Variants in SNX29 observed in about 807,000 individuals in gnomAD.
SNX29 encodes the protein sorting nexin 29.
SNX29 carries 78 observed loss-of-function variants against 102.1 expected under a neutral mutation model. That is an observed-to-expected ratio of 0.76 (90% CI 0.64 to 0.92). The LOEUF (loss-of-function observed/expected upper bound fraction) is 0.92. Among genes scored for constraint, SNX29 ranks in the 40% least tolerant of loss-of-function variants. SNX29 has a pLI of 0.00. For missense variants in SNX29, 1,280 were observed against 1,061.7 expected (o/e 1.21, Z -2.86); for synonymous variants, 580 against 414.5 (o/e 1.40, Z -4.85).
At chr16:12,425,237 G>A (rs1021163153) in intron 18 of SNX29, among the ~76,000 whole-genome samples, 1 of 152,158 alleles carries the variant, frequency 6.6e-6, no homozygotes, top group African/African-American at 2.4e-5. Context: ...GAAAGTGAGG[G>A]GTCAGGAGAG....
At chr16:11,998,614 C>T (rs1394639523) in intron 1 of SNX29, among the ~76,000 whole-genome samples, 1 of 152,168 alleles carries the variant, frequency 6.6e-6, no homozygotes, top group Non-Finnish European at 1.5e-5. Flanking sequence ...TCTGGCTCCA[C>T]CCAACATGTT....
At chr16:12,184,582 AG>A (rs1358733898) in intron 13 of SNX29, among the ~76,000 whole-genome samples, 1 of 152,202 alleles carries the variant, frequency 6.6e-6, no homozygotes, top group Non-Finnish European at 1.5e-5. Flanking sequence ...ATGCCTTGTT[AG>A]CTTCCTGGAA....
chr16:12,558,916 T>C (rs2078543946), intron 20 of SNX29, among the ~76,000 whole-genome samples: 2 of 152,342 alleles, frequency 1.3e-5, no homozygotes, highest in South Asian at 4.1e-4. Context: ...AGCATTGTCT[T>C]GTTTAATCTC....
In SNX29 at chr16:12,571,109, C is replaced by T. The variant is rs949928409; in HGVS notation, c.*2480C>T. ...CTCCCCGAAGCCTTCCCTTTGGAAT[C>T]CCATAGAATGTTCTGCAATGATTGG... On this transcript the variant is annotated 3_prime_UTR_variant, in exon 21 of 21. Transcript: ENST00000566228. 2 of 232,482 alleles carry T rather than the reference C, an allele frequency of 8.6e-6. No individual in the cohort carries two copies. The highest frequency in any genetic ancestry group is 1.7e-5 in the Non-Finnish European group (2 of 117,654). The allele number at this position is 232,482 out of a possible 1,614,324, so 14.4% of individuals were successfully genotyped here.
intron 20 of SNX29, among the ~76,000 whole-genome samples, chr16:12,558,464 C>G (rs1018054965): frequency 6.6e-6 from 1 of 152,186 alleles, no homozygotes; most frequent in African/African-American, 2.4e-5. Flanking sequence ...GAACTTAATG[C>G]CATCCTTTAA....
At position 11,979,555 on chromosome 16, in the gene SNX29, C is replaced by A. The variant is rs117032447; in HGVS notation, c.7+2742C>A. ...GGAAATATTTCCTCTTTCTTCTGTT[C>A]CCCACTTATAATATTTTGTTTATTT... On this transcript the variant is annotated intron_variant, in intron 1 of 20. Coordinates refer to ENST00000566228, the MANE Select transcript of SNX29 (RefSeq NM_032167.5). Among the ~76,000 whole-genome samples, 808 of 152,078 alleles carry A rather than the reference C, an allele frequency of 5.3e-3. 1 individual carries two copies. Among genetic ancestry groups the A allele is most frequent in the Non-Finnish European group, 8.1e-3 (551 of 68,006 alleles).
chr16:12,356,133 A>C, intron 15 of SNX29, 30 bp from the exon 16 acceptor site: 1 of 1,596,442 alleles, frequency 6.3e-7, no homozygotes, highest in South Asian at 1.1e-5. Flanking sequence ...GTCTGCCTCT[A>C]AGCCTCACCT....
At chr16:12,236,725 G>A (rs1275561242) in intron 14 of SNX29, among the ~76,000 whole-genome samples, 1 of 152,196 alleles carries the variant, frequency 6.6e-6, no homozygotes, top group Non-Finnish European at 1.5e-5. Context: ...TGAGATGCTG[G>A]CGTTCCTCTT....
chr16:12,443,020 T>G, intron 18 of SNX29: 2 of 456,076 alleles, frequency 4.4e-6, no homozygotes, highest in South Asian at 3.1e-5. Context: ...AAAATCATTC[T>G]TAGTCTGTGG....
chr16:12,475,816 C>G (rs1034221727), intron 18 of SNX29, among the ~76,000 whole-genome samples: 1 of 152,210 alleles, frequency 6.6e-6, no homozygotes, highest in Non-Finnish European at 1.5e-5. Flanking sequence ...AAGACAATTA[C>G]CAGCCTAAGT....
chr16:12,215,494 A>C (rs190896708), intron 14 of SNX29, among the ~76,000 whole-genome samples: 3 of 152,228 alleles, frequency 2.0e-5, no homozygotes, highest in East Asian at 1.9e-4. Context: ...GTAATACTCT[A>C]TATCTACCCA....
chr16:12,426,456 C>T (rs1047920118), intron 18 of SNX29, among the ~76,000 whole-genome samples: 13 of 152,252 alleles, frequency 8.5e-5, no homozygotes, highest in African/African-American at 2.6e-4. Context: ...AAAGTATAAT[C>T]CTCTCACAGG....
chr16:12,563,790 C>G (rs375735621), intron 20 of SNX29, among the ~76,000 whole-genome samples: 1 of 149,710 alleles, frequency 6.7e-6, no homozygotes, highest in Non-Finnish European at 1.5e-5. Context: ...TGTCTGAAGA[C>G]TGCAACACCC....
At chr16:12,046,493 A>G (rs1178097861) in intron 6 of SNX29, 39 bp downstream of exon 6, 1 of 1,608,018 alleles carries the variant, frequency 6.2e-7, no homozygotes, top group East Asian at 2.2e-5. Context: ...GCCTTGTGAC[A>G]CTTGGCAGAG....
rs1334169843 is a variant in SNX29, at chr16:12,519,443, TTAGA to T, written c.2179-5256_2179-5253del. Among the ~76,000 whole-genome samples the T allele has an allele frequency of 3.9e-5, 6 of 152,340 alleles. No individual in the cohort carries two copies. In the East Asian group the frequency reaches 1.2e-3, roughly 29 times the overall value. On this transcript the variant is annotated intron_variant, in intron 19 of 20. Transcript: ENST00000566228. ...CAAACGTTTAAACACAGGCTAGGTCTTAGATAACACCAATGACTCATCATTAATT... is the reference window on the plus strand; with the variant it reads ...CAAACGTTTAAACACAGGCTAGGTCTTAACACCAATGACTCATCATTAATT...
At chr16:12,471,484 G>A (rs989133835) in intron 18 of SNX29, among the ~76,000 whole-genome samples, 1 of 152,170 alleles carries the variant, frequency 6.6e-6, no homozygotes, top group African/African-American at 2.4e-5. Flanking sequence ...GGGTGCAGCT[G>A]GAATTCGAAC....
At chr16:12,374,179 A>G (rs1360759133) in intron 16 of SNX29, among the ~76,000 whole-genome samples, 8 of 152,304 alleles carry the variant, frequency 5.3e-5, no homozygotes, top group Middle Eastern at 6.8e-3. Context: ...CACTTCACCT[A>G]TTTATTCATT....
chr16:12,057,825 TA>T (rs199753251), intron 8 of SNX29, among the ~76,000 whole-genome samples: 4,768 of 24,296 alleles, frequency 0.2, 161 homozygotes, highest in African/African-American at 0.41. Flanking sequence ...TTTATATATA[TA>T]TTTTTTTTTG....
At chr16:12,322,840 G>A (rs1567437165) in intron 15 of SNX29, among the ~76,000 whole-genome samples, 1 of 151,922 alleles carries the variant, frequency 6.6e-6, no homozygotes, top group African/African-American at 2.4e-5. Flanking sequence ...CTGTCAGGAT[G>A]CGGTCACTAG....
Sources: gnomAD v4.1 joint callset for allele counts (sites outside exome capture counted in the v4.1 genomes callset) on GRCh38, gnomAD v4.1.1 for gene constraint, MANE v1.5 for transcripts, NCBI Gene and HGNC (gene_info 2026-07-23, HGNC 2026-07-21) for gene names.